FAF1: variants seen among roughly 807,000 people sequenced by gnomAD.
FAF1 encodes the protein Fas associated factor 1.
In FAF1, 25 loss-of-function variants were observed where a neutral mutation model predicts 92.5. The observed-to-expected ratio is 0.27, with a 90% CI of 0.20 to 0.38. The LOEUF (loss-of-function observed/expected upper bound fraction) is 0.38, where lower values mean the gene tolerates loss of function less well. Among genes scored for constraint, FAF1 ranks in the 10% least tolerant of loss-of-function variants. The probability of loss-of-function intolerance (pLI) is 1.00; values close to 1 mark genes in which losing one functional copy is unlikely to be tolerated. For synonymous variants in FAF1, 234 were observed against 273.2 expected (o/e 0.86, Z 1.42); for missense variants, 636 against 793.3 (o/e 0.80, Z 2.38).
chr1:50,455,747 T>C (rs1363808196), intron 18 of FAF1, among the ~76,000 whole-genome samples: 5 of 152,140 alleles, frequency 3.3e-5, no homozygotes, highest in Admixed American at 2.6e-4. Context: ...AGAATTAAAA[T>C]TTTGCCCCAG....
intron 3 of FAF1, among the ~76,000 whole-genome samples, chr1:50,792,192 A>C (rs1661587744): frequency 6.6e-6 from 1 of 152,218 alleles, no homozygotes; most frequent in Non-Finnish European, 1.5e-5. Flanking sequence ...AGAGTTTGTA[A>C]GTTTTTAACT....
intron 1 of FAF1, among the ~76,000 whole-genome samples, chr1:50,903,759 C>T (rs1335062980): frequency 6.6e-6 from 1 of 152,140 alleles, no homozygotes; most frequent in Non-Finnish European, 1.5e-5. Flanking sequence ...TAGCAAAGAA[C>T]TGAATTATCC....
intron 13 of FAF1, among the ~76,000 whole-genome samples, chr1:50,555,997 T>C (rs1649557919): frequency 6.6e-6 from 1 of 151,630 alleles, no homozygotes; most frequent in Non-Finnish European, 1.5e-5. Context: ...TGTATATATA[T>C]GGTGTGTGTA....
At chr1:50,453,776 G>A (rs993387313) in intron 18 of FAF1, among the ~76,000 whole-genome samples, 3 of 152,190 alleles carry the variant, frequency 2.0e-5, no homozygotes, top group Non-Finnish European at 4.4e-5. Context: ...GTACTTGAAG[G>A]TGGCTGGAGA....
chr1:50,933,172 A>G (rs557516502), intron 1 of FAF1, among the ~76,000 whole-genome samples: 5 of 152,316 alleles, frequency 3.3e-5, no homozygotes, highest in Non-Finnish European at 4.4e-5. Flanking sequence ...CTACTTATGC[A>G]AATTTCTGCA....
At chr1:50,773,625 A>G (rs567542299) in intron 4 of FAF1, among the ~76,000 whole-genome samples, 1 of 152,326 alleles carries the variant, frequency 6.6e-6, no homozygotes, top group African/African-American at 2.4e-5. Flanking sequence ...GAATCTAAAC[A>G]TCTGAATCCA....
chr1:50,558,340 T>A (rs1307788388), intron 13 of FAF1, among the ~76,000 whole-genome samples: 1 of 152,100 alleles, frequency 6.6e-6, no homozygotes, highest in Admixed American at 6.5e-5. Flanking sequence ...CATAACCAGC[T>A]ATTGGGAGTA....
intron 2 of FAF1, among the ~76,000 whole-genome samples, chr1:50,840,866 G>C (rs1388848885): frequency 6.6e-6 from 1 of 151,864 alleles, no homozygotes; most frequent in East Asian, 1.9e-4. Flanking sequence ...TATATTAATA[G>C]ATGATTAATT....
At chr1:50,829,613 AAC>A (rs1644134476) in intron 2 of FAF1, among the ~76,000 whole-genome samples, 1 of 152,220 alleles carries the variant, frequency 6.6e-6, no homozygotes, top group Admixed American at 6.5e-5. Flanking sequence ...AGTCAAAGGT[AAC>A]ACCCCTTCCC....
intron 15 of FAF1, among the ~76,000 whole-genome samples, chr1:50,509,803 G>A (rs1647109959): frequency 6.6e-6 from 1 of 151,844 alleles, no homozygotes; most frequent in African/African-American, 2.4e-5. Flanking sequence ...TTCTAGGTCT[G>A]CCACTTAATT....
intron 1 of FAF1, among the ~76,000 whole-genome samples, chr1:50,861,572 A>G (rs1644432987): frequency 6.6e-6 from 1 of 151,848 alleles, no homozygotes; most frequent in Non-Finnish European, 1.5e-5. Context: ...GGAGGTAGTA[A>G]GGGACAAAAA....
At chr1:50,538,243 C>G (rs1648582673) in intron 14 of FAF1, among the ~76,000 whole-genome samples, 1 of 151,886 alleles carries the variant, frequency 6.6e-6, no homozygotes, top group South Asian at 2.1e-4. Context: ...TGTAAGCAAC[C>G]ACACCAGTGC....
At chr1:50,908,205 G>T (rs759104457) in intron 1 of FAF1, among the ~76,000 whole-genome samples, 2 of 152,182 alleles carry the variant, frequency 1.3e-5, no homozygotes, top group Non-Finnish European at 2.9e-5. Flanking sequence ...TTAATCCTGA[G>T]TTCTAGTTTG....
In FAF1 at chr1:50,791,856, T is replaced by C. The variant is rs146351343; in HGVS notation, c.162-3651A>G. Among the ~76,000 whole-genome samples the C allele has an allele frequency of 2.7e-3, 413 of 152,352 alleles. 5 individuals are homozygous for C. The highest frequency in any genetic ancestry group is 1.0e-3 in the Non-Finnish European group (68 of 68,034). ...AAATATCTAGCATGTTTCATTTTCCTGATTGGATCCTGATACAGTGAAGAG... is the reference window on the plus strand; with the variant it reads ...AAATATCTAGCATGTTTCATTTTCCCGATTGGATCCTGATACAGTGAAGAG... On this transcript the variant is annotated intron_variant, in intron 3 of 18. Coordinates refer to ENST00000396153, the MANE Select transcript of FAF1 (RefSeq NM_007051.3).
intron 8 of FAF1, among the ~76,000 whole-genome samples, chr1:50,636,831 G>A (rs1362342914): frequency 6.6e-6 from 1 of 151,938 alleles, no homozygotes; most frequent in Non-Finnish European, 1.5e-5. Context: ...TGTAGCTTTT[G>A]CATTTAAGTC....
At chr1:50,927,409 C>T (rs778058880) in intron 1 of FAF1, among the ~76,000 whole-genome samples, 2 of 151,978 alleles carry the variant, frequency 1.3e-5, no homozygotes, top group Non-Finnish European at 2.9e-5. Flanking sequence ...GTTGAAACCC[C>T]GTTTCTACTA....
chr1:50,922,675 G>A (rs191633085), intron 1 of FAF1, among the ~76,000 whole-genome samples: 24 of 150,810 alleles, frequency 1.6e-4, no homozygotes, highest in African/African-American at 3.6e-4. Context: ...AAAATTATCC[G>A]GGTGTGTTGG....
chr1:50,927,032 T>A (rs942357239), intron 1 of FAF1, among the ~76,000 whole-genome samples: 2 of 152,140 alleles, frequency 1.3e-5, no homozygotes, highest in African/African-American at 4.8e-5. Flanking sequence ...CACTAAATAA[T>A]TCCACGTCTA....
intron 4 of FAF1, among the ~76,000 whole-genome samples, chr1:50,776,039 T>C (rs939228576): frequency 6.6e-6 from 1 of 152,152 alleles, no homozygotes; most frequent in Admixed American, 6.5e-5. Flanking sequence ...ATAATAACAA[T>C]ATCTGATTTA....
Sources: allele counts gnomAD v4.1 joint callset (sites outside exome capture counted in the v4.1 genomes callset), GRCh38; gene constraint gnomAD v4.1.1; transcripts MANE v1.5; gene names NCBI Gene and HGNC (gene_info 2026-07-23, HGNC 2026-07-21).